The following PCDHGB6 variants were observed in gnomAD, a reference collection of about 807,000 sequenced individuals.
The protein encoded by PCDHGB6 is protocadherin gamma-B6.
Under a neutral mutation model 59.1 loss-of-function variants are expected in PCDHGB6, and 51 were observed. The ratio of observed to expected loss-of-function variants is 0.86; its 90% CI spans 0.69 to 1.09. The LOEUF (loss-of-function observed/expected upper bound fraction) is 1.09, where lower values mean the gene tolerates loss of function less well. PCDHGB6 is among the 50% of genes least tolerant of loss of function. PCDHGB6 has a pLI of 0.00. For missense variants in PCDHGB6, 1,148 were observed against 1,205.1 expected, an observed-to-expected ratio of 0.95 and a Z score of 0.70; for synonymous variants, 466 against 495.1, an observed-to-expected ratio of 0.94 and a Z score of 0.78.
chr5:141,509,144 G>A (rs969990007), intron 3 of PCDHGB6, among the ~76,000 whole-genome samples: 1 of 152,114 alleles, frequency 6.6e-6, no homozygotes, highest in African/African-American at 2.4e-5. Context: ...GGCGCATCCC[G>A]GCTCTCCCCT....
At position 141,431,416 on chromosome 5, in the gene PCDHGB6, C is replaced by T. The variant is rs778722151; in HGVS notation, c.2418+20796C>T. Reference sequence around the variant, plus strand: ...TCCTTACGGCCTCCGACGGGGGCGACCCGGTGCGCACAGGCACCGCGCGCA... The same window carrying T: ...TCCTTACGGCCTCCGACGGGGGCGATCCGGTGCGCACAGGCACCGCGCGCA... On this transcript the variant is annotated intron_variant, in intron 1 of 3. Transcript: ENST00000520790. This position sits in a 1 kb window ranked among gnomAD's most constrained non-coding sequence, Gnocchi z 4.8. 2.5e-6 allele frequency: 4 copies of T among 1,613,714 alleles called. No homozygotes were observed. Among genetic ancestry groups the T allele is most frequent in the Admixed American group, 1.7e-5 (1 of 60,028 alleles).
At chr5:141,478,215 T>C (rs764444582) in intron 1 of PCDHGB6, 11 of 1,614,118 alleles carry the variant, frequency 6.8e-6, no homozygotes. Context: ...TCTCTAATCC[T>C]GGTTTCTGTG....
chr5:141,446,917 C>G (rs979679080), intron 1 of PCDHGB6, among the ~76,000 whole-genome samples: 1 of 152,108 alleles, frequency 6.6e-6, no homozygotes, highest in South Asian at 2.1e-4. Flanking sequence ...TTTTATTTAT[C>G]TTCCTGATCT....
At position 141,486,827 on chromosome 5, in the gene PCDHGB6, C is replaced by G. The variant is rs758132181; in HGVS notation, c.2419-7980C>G. 1.2e-6 allele frequency: 2 copies of G among 1,614,228 alleles called. No homozygotes were observed. Among genetic ancestry groups the G allele is most frequent in the Admixed American group, 1.7e-5 (1 of 60,034 alleles). On this transcript the variant is annotated intron_variant, in intron 1 of 3. Transcript: ENST00000520790. This position sits in a 1 kb window ranked among gnomAD's most constrained non-coding sequence, Gnocchi z 5.0. ...ACCCCTTAGCAGCACTGTAACAGTTCGTCTATTTGTGCTGGACCTCAATGA... is the reference window on the plus strand; with the variant it reads ...ACCCCTTAGCAGCACTGTAACAGTTGGTCTATTTGTGCTGGACCTCAATGA...
At chr5:141,506,700 G>A (rs780282969) in intron 3 of PCDHGB6, among the ~76,000 whole-genome samples, 3 of 152,138 alleles carry the variant, frequency 2.0e-5, no homozygotes, top group Non-Finnish European at 2.9e-5. Flanking sequence ...ACCCAAACCC[G>A]TTTTTTACTG....
rs1199102847 is a variant in PCDHGB6, at chr5:141,477,997, A to G, written c.2419-16810A>G. 2 of 1,614,112 alleles carry G rather than the reference A, an allele frequency of 1.2e-6. No individual in the cohort carries two copies. Among genetic ancestry groups the G allele is most frequent in the Non-Finnish European group, 1.7e-6 (2 of 1,180,016 alleles). On this transcript the variant is annotated intron_variant, in intron 1 of 3. Coordinates refer to ENST00000520790, the MANE Select transcript of PCDHGB6 (RefSeq NM_018926.3). This position sits in a 1 kb window ranked among gnomAD's most constrained non-coding sequence, Gnocchi z 4.9. ...TTGCCATAGGGCTGCACACTGGTCAAATCAGTACTGCCCGTCCAGTCCAAG... is the reference window on the plus strand; with the variant it reads ...TTGCCATAGGGCTGCACACTGGTCAGATCAGTACTGCCCGTCCAGTCCAAG...
At chr5:141,475,988 A>C (rs1197163866) in intron 1 of PCDHGB6, 29 of 1,114,786 alleles carry the variant, frequency 2.6e-5, no homozygotes, top group Non-Finnish European at 3.2e-5. Context: ...GCCGGCGAGC[A>C]AATCAACGGC....
At chr5:141,482,530 C>CAAAAAA (rs3074545) in intron 1 of PCDHGB6, among the ~76,000 whole-genome samples, 68 of 76,370 alleles carry the variant, frequency 8.9e-4, no homozygotes, top group African/African-American at 1.2e-3. Context: ...GACAGACATG[C>CAAAAAA]AAAAAAAAAA....
At chr5:141,467,565 C>A (rs2154569547) in intron 1 of PCDHGB6, among the ~76,000 whole-genome samples, 1 of 152,302 alleles carries the variant, frequency 6.6e-6, no homozygotes, top group East Asian at 1.9e-4. Context: ...TCCCAAATGG[C>A]TATCCAGTTG....
chr5:141,418,150 A>C (rs1377300460), intron 1 of PCDHGB6: 2 of 1,614,112 alleles, frequency 1.2e-6, no homozygotes, highest in Non-Finnish European at 8.5e-7. Context: ...AAATATGCAA[A>C]GAGAGAAGAA....
At chr5:141,413,330 T>C (rs770842309) in intron 1 of PCDHGB6, 1 of 1,613,930 alleles carries the variant, frequency 6.2e-7, no homozygotes. Context: ...GTGGGCAACA[T>C]CTCCAAGGAC....
At chr5:141,457,412 C>A (rs2098919309) in intron 1 of PCDHGB6, among the ~76,000 whole-genome samples, 1 of 152,188 alleles carries the variant, frequency 6.6e-6, no homozygotes. Flanking sequence ...TCACATTACC[C>A]ATCCCTTTTT....
At position 141,408,522 on chromosome 5, in the gene PCDHGB6, A is replaced by C; in HGVS notation, c.320A>C (p.Glu107Ala). 2 of 1,614,026 alleles carry C rather than the reference A, an allele frequency of 1.2e-6. No homozygotes were observed. The highest frequency in any genetic ancestry group is 1.7e-6 in the Non-Finnish European group (2 of 1,179,900). ...KERRRCELQL[E>A]AVVENPLNIF... ...AGAAGAAGATGTGAGTTGCAATTGG[A>C]AGCTGTGGTGGAAAATCCTTTAAAT... is the stretch of plus-strand genomic sequence containing the variant. The change falls in exon 1 of 4, where the codon GAA (glutamate) becomes GCA (alanine). Residue 107 changes from glutamate (E) to alanine (A), a missense_variant. Glu to Ala is a moderately radical substitution (Grantham distance 107). Coordinates refer to ENST00000520790, the MANE Select transcript of PCDHGB6 (RefSeq NM_018926.3).
At chr5:141,419,602 C>G (rs757423030) in intron 1 of PCDHGB6, 3 of 1,611,874 alleles carry the variant, frequency 1.9e-6, no homozygotes, top group African/African-American at 2.7e-5. Context: ...TGCCGCGGGC[C>G]GCGCAGCCAG....
rs192631651 is a variant in PCDHGB6, at chr5:141,432,052, C to G, written c.2418+21432C>G. On this transcript the variant is annotated intron_variant, in intron 1 of 3. Transcript: ENST00000520790. The surrounding 1 kb of genome is among the most constrained non-coding windows in gnomAD (Gnocchi z 6.0). Reference sequence around the variant, plus strand: ...CCGCCACTGACCGGGGAACCCCGCCCCTATCCACGGAAACTCATATCTCGC... The same window carrying G: ...CCGCCACTGACCGGGGAACCCCGCCGCTATCCACGGAAACTCATATCTCGC... The G allele has an allele frequency of 8.1e-6, 13 of 1,614,226 alleles. No homozygotes were observed. In the Admixed American group the frequency reaches 1.8e-4, roughly 23 times the overall value.
At position 141,418,812 on chromosome 5, in the gene PCDHGB6, A is replaced by T. The variant is rs761899929; in HGVS notation, c.2418+8192A>T. 4 of 1,613,914 alleles carry T rather than the reference A, an allele frequency of 2.5e-6. No individual in the cohort carries two copies. In the South Asian group the frequency reaches 4.4e-5, roughly 18 times the overall value. On this transcript the variant is annotated intron_variant, in intron 1 of 3. Transcript: ENST00000520790. ...GAAGAAGTAGAAAGATATACGATAA[A>T]CATAGAAGCAAAAGACCGAGGATCT... is the stretch of plus-strand genomic sequence containing the variant.
chr5:141,490,882 A>G lies in PCDHGB6; in HGVS notation c.2419-3925A>G, dbSNP rs758716907. ...CGGCTCTCCCCCATTGCATGCCAAC[A>G]CATCTCTGCATGTGTTTGTCCTAGA... On this transcript the variant is annotated intron_variant, in intron 1 of 3. Coordinates refer to ENST00000520790, the MANE Select transcript of PCDHGB6 (RefSeq NM_018926.3). This position sits in a 1 kb window ranked among gnomAD's most constrained non-coding sequence, Gnocchi z 5.4. 6.2e-7 allele frequency: 1 copy of G among 1,613,848 alleles called. No individual in the cohort carries two copies. Among genetic ancestry groups the G allele is most frequent in the Non-Finnish European group, 8.5e-7 (1 of 1,179,920 alleles).
At chr5:141,468,324 C>T (rs1301315098) in intron 1 of PCDHGB6, 1 of 127,722 alleles carries the variant, frequency 7.8e-6, no homozygotes, top group Non-Finnish European at 1.6e-5. Context: ...ACGGTAAACT[C>T]CATCTCAAAA....
chr5:141,422,703 G>A (rs1473348513), intron 1 of PCDHGB6: 1 of 1,603,132 alleles, frequency 6.2e-7, no homozygotes, highest in Admixed American at 1.7e-5. Context: ...CTTACTCTCT[G>A]ACGGATGACA....
Sources: gnomAD v4.1 joint callset for allele counts (sites outside exome capture counted in the v4.1 genomes callset) on GRCh38, gnomAD v4.1.1 for gene constraint, Gnocchi (gnomAD v3.1) non-coding constraint, MANE v1.5 for transcripts, NCBI Gene and HGNC (gene_info 2026-07-23, HGNC 2026-07-21) for gene names.